NKIRAS1: variants seen among roughly 807,000 people sequenced by gnomAD.
The protein encoded by NKIRAS1 is NFKB inhibitor interacting Ras like 1.
In NKIRAS1, 16 loss-of-function variants were observed where a neutral mutation model predicts 19.8. The ratio of observed to expected loss-of-function variants is 0.81; its 90% confidence interval spans 0.55 to 1.23. NKIRAS1 has a LOEUF of 1.23. NKIRAS1 is among the 50% of genes most tolerant of loss of function. The pLI, the probability that NKIRAS1 is intolerant of heterozygous loss-of-function variation, is 0.00. For synonymous variants in NKIRAS1, 88 were observed against 79.0 expected (o/e 1.11, Z -0.61); for missense variants, 184 against 220.0 (o/e 0.84, Z 1.04).
intron 1 of NKIRAS1, among the ~76,000 whole-genome samples, chr3:23,934,090 C>T (rs4490300): frequency 0.14 from 20,628 of 152,196 alleles, 2,023 homozygotes; most frequent in African/African-American, 0.26. Context: ...CAGACCATAG[C>T]AAGAGGTTTC....
chr3:23,928,100 CCACACACACACA>C (rs66482461), intron 1 of NKIRAS1, among the ~76,000 whole-genome samples: 1 of 146,084 alleles, frequency 6.8e-6, no homozygotes, highest in Admixed American at 6.9e-5. Flanking sequence ...TCTCTACACA[CCACACACACACA>C]CACACACACA....
upstream of NKIRAS1, chr3:23,918,059 G>T (rs553886431): frequency 8.2e-6 from 13 of 1,588,212 alleles, 1 homozygote; most frequent in South Asian, 1.4e-4. Context: ...TGGATGCTTG[G>T]ATAAAATTAT....
chr3:23,943,866 C>T (rs1019200106), intron 1 of NKIRAS1, among the ~76,000 whole-genome samples: 6 of 152,142 alleles, frequency 3.9e-5, no homozygotes, highest in African/African-American at 1.4e-4. Flanking sequence ...CTGTGCAGGG[C>T]GAAGCAGGTC....
chr3:23,913,083 A>T (rs1703946450), intron 1 of NKIRAS1, among the ~76,000 whole-genome samples: 1 of 151,088 alleles, frequency 6.6e-6, no homozygotes, highest in South Asian at 2.1e-4. Flanking sequence ...CTACAAATGT[A>T]CTTTGATCAC....
intron 1 of NKIRAS1, among the ~76,000 whole-genome samples, chr3:23,937,567 T>A (rs541759167): frequency 4.0e-5 from 6 of 151,748 alleles, no homozygotes; most frequent in Non-Finnish European, 7.4e-5. Flanking sequence ...TTTTTTTTTT[T>A]CCCTCACCCC....
At chr3:23,899,631 T>C (rs1702306584) in intron 4 of NKIRAS1, among the ~76,000 whole-genome samples, 1 of 152,192 alleles carries the variant, frequency 6.6e-6, no homozygotes, top group Non-Finnish European at 1.5e-5. Context: ...AAAACAAAAC[T>C]ATCATGTTGA....
At chr3:23,932,713 C>T (rs1236160017) in intron 1 of NKIRAS1, among the ~76,000 whole-genome samples, 1 of 148,234 alleles carries the variant, frequency 6.7e-6, no homozygotes, top group African/African-American at 2.5e-5. Context: ...AAAAAAGTAA[C>T]TTCTATAGTT....
At position 23,909,795 on chromosome 3, in the gene NKIRAS1, A is replaced by G. The variant is rs370615283; in HGVS notation, c.94+1016T>C. On this transcript the variant is annotated intron_variant, in intron 3 of 4. Coordinates refer to ENST00000425478, the MANE Select transcript of NKIRAS1 (RefSeq NM_020345.4). ...TCACAAAATTAAGTCATACTCACCAAACAACTGTTTCTTCCATTTTTAAAA... is the reference window on the plus strand; with the variant it reads ...TCACAAAATTAAGTCATACTCACCAGACAACTGTTTCTTCCATTTTTAAAA... 7.2e-5 allele frequency among the ~76,000 whole-genome samples: 11 copies of G among 152,230 alleles called. No individual in the cohort carries two copies. The East Asian group carries it at 2.1e-3, about 29-fold the overall frequency.
At chr3:23,936,082 C>CA (rs35945213) in intron 1 of NKIRAS1, among the ~76,000 whole-genome samples, 2,070 of 63,734 alleles carry the variant, frequency 0.032, 167 homozygotes, top group African/African-American at 0.091. Flanking sequence ...GACCCTGTCT[C>CA]AAAAAAAAAA....
At chr3:23,938,057 G>T (rs1705428751) in intron 1 of NKIRAS1, among the ~76,000 whole-genome samples, 1 of 152,096 alleles carries the variant, frequency 6.6e-6, no homozygotes, top group Admixed American at 6.6e-5. Context: ...AAAATAGAGT[G>T]GAACCATTAT....
chr3:23,943,632 T>G (rs1435180345), intron 1 of NKIRAS1, among the ~76,000 whole-genome samples: 4 of 152,254 alleles, frequency 2.6e-5, no homozygotes, highest in African/African-American at 4.8e-5. Flanking sequence ...CCTTCTAGAC[T>G]GTTCATATTA....
At chr3:23,899,342 G>C (rs955661547) in intron 4 of NKIRAS1, among the ~76,000 whole-genome samples, 5 of 151,990 alleles carry the variant, frequency 3.3e-5, no homozygotes, top group African/African-American at 1.2e-4. Context: ...ATCTCTCTCT[G>C]TTACTTCTTA....
In NKIRAS1 at chr3:23,937,484, T is replaced by A. The variant is rs142310805; in HGVS notation, c.-140+8839A>T. On this transcript the variant is annotated intron_variant, in intron 1 of 4. Coordinates refer to the NKIRAS1 transcript ENST00000421515. The stretch of plus-strand genomic sequence containing the variant: ...TAAACAGGAAGATTGAATGGGAAAA[T>A]TTGTGAGTCAGCAATATATATTGTT... Among the ~76,000 whole-genome samples the A allele has an allele frequency of 8.9e-3, 1,352 of 151,966 alleles. 11 individuals are homozygous for A. Among genetic ancestry groups the A allele is most frequent in the Middle Eastern group, 0.031 (9 of 294 alleles).
At chr3:23,942,222 G>A (rs989677371) in intron 1 of NKIRAS1, among the ~76,000 whole-genome samples, 8 of 151,934 alleles carry the variant, frequency 5.3e-5, no homozygotes, top group South Asian at 2.1e-4. Context: ...CAAGAGATCC[G>A]CCTGCCTTGA....
At chr3:23,942,574 G>A (rs1351940405) in intron 1 of NKIRAS1, among the ~76,000 whole-genome samples, 1 of 152,122 alleles carries the variant, frequency 6.6e-6, no homozygotes, top group Non-Finnish European at 1.5e-5. Flanking sequence ...TGGGATTACA[G>A]GCATGTGCCA....
chr3:23,914,279 TATTGCTTC>T (rs1704073308), intron 1 of NKIRAS1, among the ~76,000 whole-genome samples: 2 of 152,184 alleles, frequency 1.3e-5, no homozygotes, highest in African/African-American at 4.8e-5. Context: ...CCAAAACCGT[TATTGCTTC>T]TGTTCTTCTA....
chr3:23,904,691 CATA>C (rs1451875241), intron 3 of NKIRAS1, among the ~76,000 whole-genome samples: 1 of 152,114 alleles, frequency 6.6e-6, no homozygotes, highest in East Asian at 1.9e-4. Context: ...CATCAAGAAT[CATA>C]ATGGTTCCCA....
At chr3:23,920,486 T>A (rs1214829922), upstream of NKIRAS1, 3 of 985,212 alleles carry the variant, frequency 3.0e-6, no homozygotes, top group African/African-American at 5.2e-5. Flanking sequence ...GTGCACCCAC[T>A]TTGACTATGA....
intron 1 of NKIRAS1, among the ~76,000 whole-genome samples, chr3:23,934,469 G>A (rs533736845): frequency 6.6e-6 from 1 of 152,334 alleles, no homozygotes; most frequent in Admixed American, 6.5e-5. Flanking sequence ...TTTGAATGAT[G>A]TCATTCTGTT....
Sources: allele counts gnomAD v4.1 joint callset (sites outside exome capture counted in the v4.1 genomes callset), GRCh38; gene constraint gnomAD v4.1.1; transcripts MANE v1.5; gene names NCBI Gene and HGNC (gene_info 2026-07-23, HGNC 2026-07-21).